The following NPSR1 variants were observed in gnomAD, a reference collection of about 807,000 sequenced individuals.
NPSR1 encodes neuropeptide S receptor.
Under a neutral mutation model 46.9 loss-of-function variants are expected in NPSR1, and 48 were observed. The ratio of observed to expected loss-of-function variants is 1.02; its 90% CI spans 0.81 to 1.30. The LOEUF (loss-of-function observed/expected upper bound fraction) is 1.30. NPSR1 is among the 50% of genes most tolerant of loss of function. The pLI is 0.00. For missense variants in NPSR1, 450 were observed against 449.5 expected (o/e 1.00, Z -0.01); for synonymous variants, 176 against 168.1 (o/e 1.05, Z -0.36).
At chr7:34,786,273 A>G (rs1473422489) in intron 3 of NPSR1, among the ~76,000 whole-genome samples, 1 of 152,190 alleles carries the variant, frequency 6.6e-6, no homozygotes, top group Non-Finnish European at 1.5e-5. Context: ...TCAAGGAATC[A>G]CTTTCTTTGC....
chr7:34,677,828 A>G (rs188279138), intron 1 of NPSR1, among the ~76,000 whole-genome samples: 85 of 152,314 alleles, frequency 5.6e-4, no homozygotes, highest in African/African-American at 2.0e-3. Context: ...AGACCTCACA[A>G]AAAAGGATTT....
At chr7:34,840,323 T>C (rs1790518138) in intron 6 of NPSR1, among the ~76,000 whole-genome samples, 1 of 151,946 alleles carries the variant, frequency 6.6e-6, no homozygotes, top group East Asian at 1.9e-4. Flanking sequence ...CAAAGGGAAA[T>C]GTAAGTTCTG....
intron 3 of NPSR1, among the ~76,000 whole-genome samples, chr7:34,795,732 G>A (rs534259296): frequency 9.9e-5 from 15 of 152,062 alleles, no homozygotes; most frequent in African/African-American, 2.4e-4. Flanking sequence ...GGAAAACTAC[G>A]AAACTTGAAT....
chr7:34,869,170 T>A (rs147978500), intron 8 of NPSR1, among the ~76,000 whole-genome samples: 3,133 of 151,768 alleles, frequency 0.021, 184 homozygotes, highest in African/African-American at 0.064. Flanking sequence ...ATGGTAGCAG[T>A]CAGGACTTTT....
intron 1 of NPSR1, among the ~76,000 whole-genome samples, chr7:34,679,774 A>T (rs1358937816): frequency 6.6e-6 from 1 of 152,172 alleles, no homozygotes; most frequent in Non-Finnish European, 1.5e-5. Flanking sequence ...AACAAAAATT[A>T]TTAGTAATAA....
chr7:34,856,790 T>C (rs1422611897), intron 8 of NPSR1, among the ~76,000 whole-genome samples: 1 of 151,608 alleles, frequency 6.6e-6, no homozygotes, highest in Non-Finnish European at 1.5e-5. Flanking sequence ...TTTTCTTCTT[T>C]GGTAAGTCTA....
At chr7:34,795,033 T>C (rs1031520322) in intron 3 of NPSR1, among the ~76,000 whole-genome samples, 1 of 151,998 alleles carries the variant, frequency 6.6e-6, no homozygotes, top group Admixed American at 6.6e-5. Context: ...AGTGAGACCC[T>C]ATCTCTTAAA....
intron 1 of NPSR1, among the ~76,000 whole-genome samples, chr7:34,672,973 C>T (rs1028768562): frequency 1.3e-5 from 2 of 152,160 alleles, no homozygotes; most frequent in African/African-American, 4.8e-5. Flanking sequence ...CTCAAAAGTG[C>T]CTGAATGGCC....
chr7:34,725,262 TATTA>T lies in NPSR1; in HGVS notation c.280+40584_280+40587del, dbSNP rs1234477365. ...GGAAAATACTTGTAAAACTGAAACT[TATTA>T]ATTAAGATACTATAGCCAAAATGGA... On this transcript the variant is annotated intron_variant, in intron 2 of 8. Coordinates refer to ENST00000360581, the MANE Select transcript of NPSR1 (RefSeq NM_207172.2). 2.6e-5 allele frequency among the ~76,000 whole-genome samples: 4 copies of T among 152,288 alleles called. No homozygotes were observed. In the East Asian group the frequency reaches 7.7e-4, roughly 29 times the overall value.
intron 2 of NPSR1, among the ~76,000 whole-genome samples, chr7:34,686,864 A>G (rs1457517046): frequency 4.1e-5 from 6 of 147,180 alleles, no homozygotes; most frequent in African/African-American, 1.0e-4. Flanking sequence ...AAGAGCAAAT[A>G]TTTCATTTTC....
chr7:34,820,300 G>T (rs1789489832), intron 4 of NPSR1, among the ~76,000 whole-genome samples: 1 of 152,062 alleles, frequency 6.6e-6, no homozygotes, highest in South Asian at 2.1e-4. Context: ...CAATAAAGTG[G>T]TTTAGAAGTT....
At chr7:34,765,436 G>A (rs1022685214) in intron 2 of NPSR1, among the ~76,000 whole-genome samples, 1 of 152,158 alleles carries the variant, frequency 6.6e-6, no homozygotes, top group Admixed American at 6.6e-5. Flanking sequence ...TGGCAAAGAA[G>A]CACCTTTAAA....
rs780159330 is a variant in NPSR1 at position 34,848,606 on chromosome 7, G to A, written c.968G>A (p.Ser323Asn). The part of the protein sequence containing the change: ...VIIQNLPALN[S>N]AINPLIYCVF... ...ATTCAGAACCTGCCAGCATTGAATA[G>A]TGCCATCAACCCCCTCATCTACTGT... Residue 323 changes from serine to asparagine, a missense_variant, in exon 8 of 9, where the codon AGT (serine) becomes AAT (asparagine). Physicochemically the swap from Ser to Asn is conservative, Grantham distance 46 (BLOSUM62 1). Transcript: ENST00000360581. 2 of 1,614,046 alleles carry A rather than the reference G, an allele frequency of 1.2e-6. No individual in the cohort carries two copies. Among genetic ancestry groups the A allele is most frequent in the African/African-American group, 1.3e-5 (1 of 74,930 alleles).
intron 8 of NPSR1, among the ~76,000 whole-genome samples, chr7:34,862,880 T>G (rs1426314336): frequency 6.6e-6 from 1 of 151,758 alleles, no homozygotes; most frequent in Non-Finnish European, 1.5e-5. Context: ...ATAAATTATA[T>G]GGTCACTGTA....
chr7:34,861,548 G>A (rs532371924), intron 8 of NPSR1, among the ~76,000 whole-genome samples: 1 of 151,794 alleles, frequency 6.6e-6, no homozygotes, highest in Non-Finnish European at 1.5e-5. Context: ...GTTTATTGTT[G>A]ATATCTCCCA....
chr7:34,658,408 G>A lies in NPSR1; in HGVS notation c.-5G>A. The A allele has an allele frequency of 6.2e-7, 1 of 1,613,662 alleles. No individual in the cohort carries two copies. Among genetic ancestry groups the A allele is most frequent in the Non-Finnish European group, 8.5e-7 (1 of 1,179,950 alleles). On this transcript the variant is annotated 5_prime_UTR_variant, in exon 1 of 9. Transcript: ENST00000360581. Reference sequence around the variant, plus strand: ...AGGACAGTGAGGCTCAACCCCGCCTGAGCCATGCCAGCCAACTTCACAGAG... The same window carrying A: ...AGGACAGTGAGGCTCAACCCCGCCTAAGCCATGCCAGCCAACTTCACAGAG...
chr7:34,700,942 A>G (rs117022919), intron 2 of NPSR1, among the ~76,000 whole-genome samples: 3,064 of 152,344 alleles, frequency 0.02, 45 homozygotes, highest in Non-Finnish European at 0.033. Context: ...AGAAATGATT[A>G]ATTTAAACTC....
intron 2 of NPSR1, among the ~76,000 whole-genome samples, chr7:34,689,619 A>AG (rs1793128887): frequency 2.1e-5 from 3 of 145,576 alleles, no homozygotes; most frequent in African/African-American, 7.8e-5. Flanking sequence ...AAAAAAAAAA[A>AG]AAAAAAAAAA....
In NPSR1 at chr7:34,857,945, G is replaced by T. The variant is rs577714963; in HGVS notation, c.1025+9282G>T. On this transcript the variant is annotated intron_variant, in intron 8 of 8. Coordinates refer to the NPSR1 transcript ENST00000359791. ...CAAATGGACAAAAAACTATGAAAAG[G>T]TGTTTAATCTCATTAAAAAGCAAGG... Among the ~76,000 whole-genome samples, 8 of 151,768 alleles carry T rather than the reference G, an allele frequency of 5.3e-5. No individual in the cohort carries two copies. In the Middle Eastern group the frequency reaches 0.01, roughly 194 times the overall value.
Sources: allele counts gnomAD v4.1 joint callset (sites outside exome capture counted in the v4.1 genomes callset), GRCh38; gene constraint gnomAD v4.1.1; transcripts MANE v1.5; gene names NCBI Gene and HGNC (gene_info 2026-07-23, HGNC 2026-07-21).